Variants in ZZZ3 observed in about 807,000 individuals in gnomAD.
ZZZ3 encodes the protein zinc finger ZZ-type containing 3.
A neutral mutation model predicts 95.2 loss-of-function variants in ZZZ3; 22 were observed. The observed-to-expected ratio is 0.23, with a 90% CI of 0.17 to 0.33. ZZZ3 has a LOEUF of 0.33. Among genes scored for constraint, ZZZ3 ranks in the 10% least tolerant of loss-of-function variants. The pLI, the probability that ZZZ3 is intolerant of heterozygous loss-of-function variation, is 1.00. For missense variants in ZZZ3, 885 were observed against 1,066.5 expected (o/e 0.83, Z 2.37); for synonymous variants, 335 against 358.9 (o/e 0.93, Z 0.75).
chr1:77,578,949 T>C, intron 10 of ZZZ3, 80 bp from the exon 11 acceptor site: 1 of 674,722 alleles, frequency 1.5e-6, no homozygotes, highest in South Asian at 3.9e-5. Flanking sequence ...AAAACGTACA[T>C]GAGTATCTAA....
chr1:77,621,838 C>T (rs186811099), intron 5 of ZZZ3, among the ~76,000 whole-genome samples: 124 of 151,814 alleles, frequency 8.2e-4, no homozygotes, highest in African/African-American at 2.9e-3. Context: ...AATATAATAA[C>T]GATAAAAGAA....
chr1:77,644,975 C>T (rs988822915), intron 1 of ZZZ3, among the ~76,000 whole-genome samples: 1 of 152,110 alleles, frequency 6.6e-6, no homozygotes, highest in African/African-American at 2.4e-5. Flanking sequence ...GTCATCTCAG[C>T]TCTTTAAGAG....
At chr1:77,680,323 G>C (rs1322204381) in intron 1 of ZZZ3, among the ~76,000 whole-genome samples, 1 of 152,180 alleles carries the variant, frequency 6.6e-6, no homozygotes, top group Non-Finnish European at 1.5e-5. Flanking sequence ...TTATGAGCCT[G>C]ACTATTCTTG....
chr1:77,576,405 T>A lies in ZZZ3; in HGVS notation c.2179-185A>T, dbSNP rs190233085. On this transcript the variant is annotated intron_variant, in intron 11 of 14. Transcript: ENST00000370801. ...TTAAAGCATAACTAGCTTTAAAAAA[T>A]TTTTTTTAAATGTAGGGGAAATACC... is the stretch of plus-strand genomic sequence containing the variant. Among the ~76,000 whole-genome samples, 505 of 151,738 alleles carry A rather than the reference T, an allele frequency of 3.3e-3. 4 individuals are homozygous for A. Among genetic ancestry groups the A allele is most frequent in the African/African-American group, 4.9e-3 (203 of 41,096 alleles).
At chr1:77,622,424 T>C (rs907399218) in intron 5 of ZZZ3, among the ~76,000 whole-genome samples, 4 of 137,462 alleles carry the variant, frequency 2.9e-5, no homozygotes, top group Middle Eastern at 4.1e-3. Flanking sequence ...ATGGTAAAAA[T>C]TAAAGTACAA....
intron 1 of ZZZ3, among the ~76,000 whole-genome samples, chr1:77,675,484 TAA>T (rs1171772492): frequency 6.6e-6 from 1 of 151,930 alleles, no homozygotes; most frequent in African/African-American, 2.4e-5. Flanking sequence ...AAAAAGGTGT[TAA>T]GTTATGTTCC....
chr1:77,595,682 T>C (rs369369390), intron 5 of ZZZ3, among the ~76,000 whole-genome samples: 2 of 152,152 alleles, frequency 1.3e-5, no homozygotes, highest in South Asian at 2.1e-4. Context: ...AACAATTAAA[T>C]GATGATACAA....
chr1:77,646,225 T>C (rs1472041809), intron 1 of ZZZ3, among the ~76,000 whole-genome samples: 4 of 152,006 alleles, frequency 2.6e-5, no homozygotes, highest in Admixed American at 2.6e-4. Flanking sequence ...TGTTTTTTGT[T>C]TTTTTTTCTT....
intron 14 of ZZZ3, 90 bp downstream of exon 14, chr1:77,565,991 T>C (rs746795157): frequency 4.5e-5 from 54 of 1,201,298 alleles, no homozygotes; most frequent in Non-Finnish European, 5.1e-5. Flanking sequence ...TGGGTATTAA[T>C]ATTTTCTATG....
At chr1:77,579,504 T>G (rs757918931) in intron 10 of ZZZ3, 23 bp downstream of exon 10, 3 of 1,530,884 alleles carry the variant, frequency 2.0e-6, no homozygotes, top group Non-Finnish European at 2.7e-6. Flanking sequence ...ATACCAGCAA[T>G]CTGCAGTCAT....
chr1:77,624,493 A>AC (rs397713096), intron 5 of ZZZ3, among the ~76,000 whole-genome samples: 5 of 150,694 alleles, frequency 3.3e-5, no homozygotes, highest in Non-Finnish European at 7.4e-5. Context: ...AACCCCTAAA[A>AC]GACAAAGTTT....
intron 1 of ZZZ3, among the ~76,000 whole-genome samples, chr1:77,646,205 CTAAGT>C (rs774776322): frequency 9.2e-5 from 14 of 151,812 alleles, no homozygotes; most frequent in Admixed American, 7.9e-4. Flanking sequence ...TCTAATTAGT[CTAAGT>C]TTTTTGTTTT....
intron 1 of ZZZ3, among the ~76,000 whole-genome samples, chr1:77,681,781 A>G (rs928281099): frequency 6.6e-6 from 1 of 151,340 alleles, no homozygotes. Context: ...AATCCCAGCT[A>G]CTCGATACTC....
intron 5 of ZZZ3, among the ~76,000 whole-genome samples, chr1:77,619,104 T>G (rs1267432672): frequency 3.3e-5 from 5 of 152,162 alleles, no homozygotes; most frequent in Admixed American, 6.5e-5. Context: ...ATTTCCCTAC[T>G]CCAGAATTTT....
intron 1 of ZZZ3, among the ~76,000 whole-genome samples, chr1:77,681,550 C>T (rs1421060070): frequency 1.3e-5 from 2 of 152,134 alleles, no homozygotes; most frequent in South Asian, 4.1e-4. Context: ...AAAGCTCAAA[C>T]TCTGATGCCA....
chr1:77,623,567 C>T (rs1667073735), intron 5 of ZZZ3, among the ~76,000 whole-genome samples: 1 of 152,136 alleles, frequency 6.6e-6, no homozygotes, highest in Admixed American at 6.5e-5. Context: ...CTACTCTGTA[C>T]TTCCCCTAAC....
At chr1:77,600,230 T>A (rs966526441) in intron 5 of ZZZ3, among the ~76,000 whole-genome samples, 1 of 152,190 alleles carries the variant, frequency 6.6e-6, no homozygotes, top group Non-Finnish European at 1.5e-5. Flanking sequence ...GTGGTTTACA[T>A]AGAAGGCTTA....
intron 4 of ZZZ3, among the ~76,000 whole-genome samples, chr1:77,637,106 T>C (rs1175347572): frequency 6.6e-6 from 1 of 152,202 alleles, no homozygotes; most frequent in Non-Finnish European, 1.5e-5. Context: ...GATTCATGTA[T>C]GTATTAGGGT....
At chr1:77,569,093 T>C (rs1208151096) in intron 12 of ZZZ3, among the ~76,000 whole-genome samples, 3 of 152,210 alleles carry the variant, frequency 2.0e-5, no homozygotes, top group Non-Finnish European at 2.9e-5. Context: ...TCCCAGCACT[T>C]TGGGAGGCCG....
Sources: gnomAD v4.1 joint callset for allele counts (sites outside exome capture counted in the v4.1 genomes callset) on GRCh38, gnomAD v4.1.1 for gene constraint, MANE v1.5 for transcripts, NCBI Gene and HGNC (gene_info 2026-07-23, HGNC 2026-07-21) for gene names.